The following MAPK15 variants were observed in gnomAD, a reference collection of about 807,000 sequenced individuals.
MAPK15 encodes the protein ERK-7.
MAPK15 carries 61 observed loss-of-function variants against 60.8 expected under a neutral mutation model. That is an observed-to-expected ratio of 1.00 (90% CI 0.82 to 1.24). The LOEUF (loss-of-function observed/expected upper bound fraction) is 1.24, where lower values mean the gene tolerates loss of function less well. Among genes scored for constraint, MAPK15 ranks in the 50% most tolerant of loss-of-function variants. MAPK15 has a pLI of 0.00. For missense variants in MAPK15, 808 were observed against 741.1 expected, an observed-to-expected ratio of 1.09 and a Z score of -1.05; for synonymous variants, 356 against 319.9, an observed-to-expected ratio of 1.11 and a Z score of -1.21.
chr8:143,719,028 G>C lies in MAPK15; in HGVS notation c.453G>C (p.Val151=), dbSNP rs1401332628. ...TGCTCCTGGATGCCAACTGCACAGT[G>C]AAGCTGTGTGACTTTGGCCTGGCCC... ...SNVLLDANCT[V]KLCDFGLARS... is the part of the protein sequence containing the mutation. The change falls in exon 6 of 14, where the codon GTG becomes GTC. Residue 151 remains valine (V), a synonymous_variant. Coordinates refer to ENST00000338033, the MANE Select transcript of MAPK15 (RefSeq NM_139021.3). The C allele has an allele frequency of 6.2e-6, 10 of 1,604,300 alleles. No individual in the cohort carries two copies. Among genetic ancestry groups the C allele is most frequent in the Non-Finnish European group, 7.7e-6 (9 of 1,176,134 alleles).
intron 12 of MAPK15, 29 bp from the exon 13 acceptor site, chr8:143,721,723 C>T: frequency 6.2e-7 from 1 of 1,613,392 alleles, no homozygotes; most frequent in Non-Finnish European, 8.5e-7. Flanking sequence ...CTGCACCTTT[C>T]AGTGACCCTG....
rs186538385 is a variant in MAPK15, at chr8:143,721,960, C to T, written c.1458+80C>T. On this transcript the variant is annotated intron_variant, in intron 13 of 13. Transcript: ENST00000338033. ...TCCCCCCTGCTTTTCCCTCCCTTCCCCATGCTTCCCATTGCCCCTCCAATG... is the reference window on the plus strand; with the variant it reads ...TCCCCCCTGCTTTTCCCTCCCTTCCTCATGCTTCCCATTGCCCCTCCAATG... 3.1e-3 allele frequency: 4,742 copies of T among 1,517,460 alleles called. 104 individuals are homozygous for T. In the African/African-American group the frequency reaches 0.054, roughly 17 times the overall value. 94.0% of individuals were successfully genotyped at this position (1,517,460 alleles called of 1,614,324 possible).
chr8:143,718,734 CAGCCCCCCA>C, intron 4 of MAPK15, 32 bp from the exon 5 acceptor site: 1 of 1,137,776 alleles, frequency 8.8e-7, no homozygotes, highest in Non-Finnish European at 1.2e-6. Flanking sequence ...GTTGCCCCCC[CAGCCCCCCA>C]CCCCCGACTG....
chr8:143,717,488 C>T (rs1302737440), intron 1 of MAPK15, among the ~76,000 whole-genome samples: 8 of 152,178 alleles, frequency 5.3e-5, no homozygotes, highest in African/African-American at 1.9e-4. Context: ...TCCAGGGCCT[C>T]GCCAGCTCTC....
At chr8:143,719,918 G>C (rs1817979885) in intron 7 of MAPK15, among the ~76,000 whole-genome samples, 1 of 152,052 alleles carries the variant, frequency 6.6e-6, no homozygotes, top group Non-Finnish European at 1.5e-5. Context: ...GCAAGAGGGA[G>C]CTGCACCGCC....
chr8:143,718,727 G>GGCCC, intron 4 of MAPK15, 48 bp from the exon 5 acceptor site: 22 of 514,480 alleles, frequency 4.3e-5, no homozygotes, highest in South Asian at 1.6e-4. Flanking sequence ...CCCCCAGGTT[G>GGCCC]CCCCCCCAGC....
At chr8:143,718,588 T>G in intron 4 of MAPK15, 187 bp from the exon 5 acceptor site, 1 of 635,426 alleles carries the variant, frequency 1.6e-6, no homozygotes, top group Non-Finnish European at 2.8e-6. Flanking sequence ...CAACATGAAA[T>G]AAAGTGTTAA....
chr8:143,718,182 C>G, intron 3 of MAPK15, 30 bp from the exon 4 acceptor site: 2 of 1,613,202 alleles, frequency 1.2e-6, no homozygotes, highest in Non-Finnish European at 1.7e-6. Flanking sequence ...CCCCTCCTGG[C>G]CTTCCAGCCG....
chr8:143,720,789 C>T lies in MAPK15; in HGVS notation c.866C>T (p.Pro289Leu), dbSNP rs141379949. ...CTTAGGCGACTCCTGGTGTTCGCCCCGGACAAGCGGTTAAGCGCGACCCAG... is the reference window on the plus strand; with the variant it reads ...CTTAGGCGACTCCTGGTGTTCGCCCTGGACAAGCGGTTAAGCGCGACCCAG... ...DLLRRLLVFA[P>L]DKRLSATQAL... The change falls in exon 9 of 14, where the codon CCG becomes CTG. Residue 289 changes from proline (P) to leucine (L), a missense_variant. Physicochemically the swap from Pro to Leu is moderately conservative, Grantham distance 98. Transcript: ENST00000338033. The surrounding 1 kb of genome is among the most constrained non-coding windows in gnomAD (Gnocchi z 4.6). 4.7e-4 allele frequency: 756 copies of T among 1,613,674 alleles called. 6 individuals carry two copies. Among genetic ancestry groups the T allele is most frequent in the African/African-American group, 9.9e-4 (74 of 75,008 alleles).
At chr8:143,718,664 G>A (rs911220619) in intron 4 of MAPK15, 111 bp from the exon 5 acceptor site, 2 of 1,002,946 alleles carry the variant, frequency 2.0e-6, no homozygotes, top group Non-Finnish European at 1.5e-6. Flanking sequence ...GGGCGGCCAG[G>A]CCGTGGGCTG....
Position 143,721,600 on chromosome 8 carries a change from T to G in MAPK15, c.1256T>G (p.Leu419Arg). The change falls in exon 12 of 14, where the codon CTC (leucine) becomes CGC (arginine). Residue 419 changes from leucine to arginine, a missense_variant. By Grantham distance (102) the Leu-to-Arg change is moderately radical. Transcript: ENST00000338033. ...NVPRQNSAPL[L>R]QTALLGNGER... The stretch of plus-strand genomic sequence containing the variant: ...CCCAGGCAGAACTCCGCTCCCCTGC[T>G]CCAAACTGCTCTCCTAGGGAATGGG... The G allele has an allele frequency of 6.2e-7, 1 of 1,613,042 alleles. No homozygotes were observed. Among genetic ancestry groups the G allele is most frequent in the Non-Finnish European group, 8.5e-7 (1 of 1,179,552 alleles).
In MAPK15 at chr8:143,722,192, G is replaced by C; in HGVS notation, c.1576G>C (p.Gly526Arg). ...ALLGGYSQAYGTVCHSALGHL... is the reference protein window; with the variant it reads ...ALLGGYSQAYRTVCHSALGHL... ...GCTTGGAGGCTACTCCCAAGCCTAC[G>C]GGACTGTCTGCCACTCGGCACTGGG... The change falls in exon 14 of 14, where the codon GGG becomes CGG. Residue 526 changes from glycine to arginine, a missense_variant. Gly to Arg is a moderately radical substitution (Grantham distance 125). Transcript: ENST00000338033. 6.2e-7 allele frequency: 1 copy of C among 1,609,158 alleles called. No individual in the cohort carries two copies. Among genetic ancestry groups the C allele is most frequent in the Non-Finnish European group, 8.5e-7 (1 of 1,178,176 alleles).
At chr8:143,718,721 C>CCGGGGGGGG in intron 4 of MAPK15, 54 bp from the exon 5 acceptor site, 1 of 796,258 alleles carries the variant, frequency 1.3e-6, no homozygotes, top group Non-Finnish European at 2.0e-6. Context: ...CCACTCCCCC[C>CCGGGGGGGG]AGGTTGCCCC....
chr8:143,719,679 G>A (rs192940074), intron 7 of MAPK15, among the ~76,000 whole-genome samples, 197 bp downstream of exon 7: 3 of 152,246 alleles, frequency 2.0e-5, no homozygotes, highest in Non-Finnish European at 4.4e-5. Context: ...GGTGGGTGTG[G>A]GCAAGGCAGC....
intron 4 of MAPK15, 183 bp from the exon 5 acceptor site, chr8:143,718,592 G>A (rs1817903924): frequency 1.6e-6 from 1 of 636,956 alleles, no homozygotes; most frequent in African/African-American, 1.8e-5. Context: ...ATGAAATAAA[G>A]TGTTAAAACT....
Position 143,721,366 on chromosome 8 carries a change from A to C in MAPK15, c.1159A>C (p.Arg387=). The C allele has an allele frequency of 6.2e-7, 1 of 1,613,346 alleles. No individual in the cohort carries two copies. The highest frequency in any genetic ancestry group is 1.3e-5 in the African/African-American group (1 of 75,034). Residue 387 remains arginine, a synonymous_variant, in exon 11 of 14, where the codon AGA becomes CGA. Coordinates refer to ENST00000338033, the MANE Select transcript of MAPK15 (RefSeq NM_139021.3). ...TTCTAGGACACCTGTGCAGGGTCCC[A>C]GACCCAGGCCCCAGAGCAGCCCAGG... ...LPSRTPVQGP[R]PRPQSSPGHD...
rs377080766 is a variant in MAPK15, at chr8:143,718,202, C to G, written c.196-10C>G. 1.2e-5 allele frequency: 20 copies of G among 1,614,010 alleles called. No homozygotes were observed. In the African/African-American group the frequency reaches 2.7e-4, roughly 22 times the overall value. ...CCTGGCCTTCCAGCCGCCTCCGACT[C>G]TCTCCCCAGGAGTTTGGGGACCATC... is the stretch of plus-strand genomic sequence containing the variant. On this transcript the variant is annotated splice_polypyrimidine_tract_variant and intron_variant, in intron 3 of 13. Coordinates refer to ENST00000338033, the MANE Select transcript of MAPK15 (RefSeq NM_139021.3).
chr8:143,721,917 TCCTTTCC>T (rs782142562), intron 13 of MAPK15, 37 bp downstream of exon 13: 12 of 1,493,440 alleles, frequency 8.0e-6, no homozygotes, highest in South Asian at 6.4e-5. Flanking sequence ...CCCCTCATCC[TCCTTTCC>T]CCTTTCCCCT....
chr8:143,719,714 C>G (rs1488550855), intron 7 of MAPK15, among the ~76,000 whole-genome samples: 3 of 152,112 alleles, frequency 2.0e-5, no homozygotes, highest in African/African-American at 7.2e-5. Context: ...CCATGAGAGC[C>G]AAGCAGTGAC....
Sources: gnomAD v4.1 joint callset for allele counts (sites outside exome capture counted in the v4.1 genomes callset) on GRCh38, gnomAD v4.1.1 for gene constraint, Gnocchi (gnomAD v3.1) non-coding constraint, MANE v1.5 for transcripts, NCBI Gene and HGNC (gene_info 2026-07-23, HGNC 2026-07-21) for gene names.